POLH: variants seen among roughly 807,000 people sequenced by gnomAD.
POLH encodes the protein DNA polymerase eta transcript.
Under a neutral mutation model 73.6 loss-of-function variants are expected in POLH, and 53 were observed. That is an observed-to-expected ratio of 0.72 (90% CI 0.58 to 0.91). The LOEUF is 0.91. POLH is among the 40% of genes least tolerant of loss of function. POLH has a pLI of 0.00. For synonymous variants in POLH, 292 were observed against 308.5 expected (o/e 0.95, Z 0.56); for missense variants, 768 against 865.4 (o/e 0.89, Z 1.41).
At chr6:43,580,113 T>TAA (rs1263769527) in intron 1 of POLH, among the ~76,000 whole-genome samples, 1 of 149,518 alleles carries the variant, frequency 6.7e-6, no homozygotes, top group Non-Finnish European at 1.5e-5. Context: ...TGATGACTCT[T>TAA]AACGAGCATG....
intron 4 of POLH, among the ~76,000 whole-genome samples, chr6:43,593,874 G>C (rs1273582483): frequency 9.2e-6 from 1 of 109,138 alleles, no homozygotes. Flanking sequence ...GTGAGACTCC[G>C]TCTCAAAAAA....
chr6:43,610,427 C>A, intron 9 of POLH, 127 bp from the exon 10 acceptor site: 2 of 774,634 alleles, frequency 2.6e-6, no homozygotes, highest in South Asian at 1.5e-5. Context: ...TTATTCTTGA[C>A]TTTTAAACTA....
chr6:43,584,346 C>G (rs1263921641), intron 3 of POLH, among the ~76,000 whole-genome samples: 2 of 151,854 alleles, frequency 1.3e-5, no homozygotes, highest in African/African-American at 4.8e-5. Context: ...GCATACAGAC[C>G]CACATTGGAA....
At chr6:43,598,351 G>A (rs1766333284) in intron 5 of POLH, among the ~76,000 whole-genome samples, 1 of 151,908 alleles carries the variant, frequency 6.6e-6, no homozygotes, top group Admixed American at 6.6e-5. Flanking sequence ...TGAAGGCCGG[G>A]CATGGGGGCT....
intron 9 of POLH, among the ~76,000 whole-genome samples, chr6:43,607,119 G>A (rs186698958): frequency 5.9e-5 from 9 of 152,256 alleles, no homozygotes; most frequent in East Asian, 1.9e-4. Context: ...TTTTTGAGAC[G>A]GAGTCTCGCT....
rs1231325835 is a variant in POLH, at chr6:43,618,569, T to C, written c.*4012T>C. Among the ~76,000 whole-genome samples the C allele has an allele frequency of 6.6e-6, 1 of 152,176 alleles. No individual in the cohort carries two copies. Among genetic ancestry groups the C allele is most frequent in the Non-Finnish European group, 1.5e-5 (1 of 68,022 alleles). On this transcript the variant is annotated 3_prime_UTR_variant, in exon 11 of 11. Transcript: ENST00000372236. ...CCCAACTGAAGAAAATGAACTGAAG[T>C]AGGTGGCGCTGGGTGAAGTGGGCCC...
intron 5 of POLH, among the ~76,000 whole-genome samples, chr6:43,600,506 G>T (rs1161292121): frequency 6.6e-6 from 1 of 152,074 alleles, no homozygotes; most frequent in Non-Finnish European, 1.5e-5. Flanking sequence ...GGGTGGTTTT[G>T]AGCCCAATCT....
intron 7 of POLH, among the ~76,000 whole-genome samples, 188 bp from the exon 8 acceptor site, chr6:43,604,427 C>G (rs760339319): frequency 6.6e-6 from 1 of 152,146 alleles, no homozygotes; most frequent in Non-Finnish European, 1.5e-5. Context: ...TTCTCATTGT[C>G]CATATATTGC....
chr6:43,582,735 G>A (rs375488291), intron 2 of POLH, among the ~76,000 whole-genome samples: 1 of 152,046 alleles, frequency 6.6e-6, no homozygotes. Flanking sequence ...GGTTGGGGGG[G>A]CAGGGCTCAC....
chr6:43,588,379 C>A (rs1274724902), intron 4 of POLH: 3 of 151,302 alleles, frequency 2.0e-5, no homozygotes, highest in Non-Finnish European at 3.0e-5. Flanking sequence ...CTTCCTTCCT[C>A]CCTTCCTTTC....
chr6:43,595,310 T>C (rs988236227), intron 4 of POLH, among the ~76,000 whole-genome samples: 6 of 152,062 alleles, frequency 3.9e-5, no homozygotes, highest in Non-Finnish European at 8.8e-5. Flanking sequence ...TTTGTATTTG[T>C]ATTTTTAGTA....
At position 43,583,070 on chromosome 6, in the gene POLH, T is replaced by A; in HGVS notation, c.201T>A (p.Asp67Glu). The A allele has an allele frequency of 6.2e-7, 1 of 1,613,674 alleles. No homozygotes were observed. The highest frequency in any genetic ancestry group is 8.5e-7 in the Non-Finnish European group (1 of 1,179,582). The change falls in exon 3 of 11, where the codon GAT (aspartate) becomes GAA (glutamate). Residue 67 changes from aspartate (D) to glutamate (E), a missense_variant. Transcript: ENST00000372236. ...TCACTAGAAGTATGTGGGCAGATGATGCTAAGAAGTTATGTCCAGATCTTC... is the reference window on the plus strand; with the variant it reads ...TCACTAGAAGTATGTGGGCAGATGAAGCTAAGAAGTTATGTCCAGATCTTC... ...FGVTRSMWAD[D>E]AKKLCPDLLL...
chr6:43,595,415 G>A (rs1339641126), intron 4 of POLH, among the ~76,000 whole-genome samples: 2 of 151,652 alleles, frequency 1.3e-5, no homozygotes, highest in African/African-American at 2.4e-5. Context: ...GATTACAGAC[G>A]TGAACCACCG....
Position 43,587,302 on chromosome 6 carries a change from G to A in POLH, c.303G>A (p.Glu101=), listed in dbSNP as rs200731198. 1.2e-5 allele frequency: 19 copies of A among 1,614,016 alleles called. No individual in the cohort carries two copies. The highest frequency in any genetic ancestry group is 1.6e-5 in the Non-Finnish European group (19 of 1,179,956). Reference sequence around the variant, plus strand: ...GGGAAGCCAGTGTTGAAGTGATGGAGATAATGTCTCGTTTTGCTGTGATTG... The same window carrying A: ...GGGAAGCCAGTGTTGAAGTGATGGAAATAATGTCTCGTTTTGCTGTGATTG... ...KYREASVEVM[E]IMSRFAVIER... is the part of the protein sequence containing the mutation. The change falls in exon 4 of 11, where the codon GAG becomes GAA. Residue 101 remains glutamate, a synonymous_variant. Transcript: ENST00000372236.
chr6:43,601,264 A>T (rs1441514549), intron 6 of POLH, among the ~76,000 whole-genome samples, 173 bp downstream of exon 6: 1 of 151,710 alleles, frequency 6.6e-6, no homozygotes, highest in Non-Finnish European at 1.5e-5. Context: ...TTTTATTTTT[A>T]TTTATTTATT....
intron 6 of POLH, among the ~76,000 whole-genome samples, chr6:43,602,313 GA>G (rs2127801506): frequency 6.6e-6 from 1 of 152,312 alleles, no homozygotes; most frequent in South Asian, 2.1e-4. Context: ...TAATATTGTA[GA>G]AAGGACAAGG....
chr6:43,589,086 C>T (rs1225407710), intron 4 of POLH, among the ~76,000 whole-genome samples: 2 of 152,216 alleles, frequency 1.3e-5, no homozygotes, highest in East Asian at 1.9e-4. Context: ...GATCCGCCCG[C>T]CTCGGCCTCC....
intron 5 of POLH, among the ~76,000 whole-genome samples, chr6:43,600,620 T>G (rs536324366): frequency 6.6e-6 from 1 of 152,180 alleles, no homozygotes; most frequent in Non-Finnish European, 1.5e-5. Flanking sequence ...AACAAGTATG[T>G]TTCGGCATTT....
At chr6:43,597,654 A>G in intron 4 of POLH, 42 bp from the exon 5 acceptor site, 1 of 1,549,086 alleles carries the variant, frequency 6.5e-7, no homozygotes. Flanking sequence ...TTAAATAAAT[A>G]ATTTTTTAAA....
Sources: allele counts gnomAD v4.1 joint callset (sites outside exome capture counted in the v4.1 genomes callset), GRCh38; gene constraint gnomAD v4.1.1; transcripts MANE v1.5; gene names NCBI Gene and HGNC (gene_info 2026-07-23, HGNC 2026-07-21).